UBAC2: variants seen among roughly 807,000 people sequenced by gnomAD.
UBAC2 encodes the protein UBA domain containing 2, also known as ubiquitin-associated domain-containing protein 2.
UBAC2 carries 26 observed loss-of-function variants against 44.0 expected under a neutral mutation model. The ratio of observed to expected loss-of-function variants is 0.59; its 90% CI spans 0.43 to 0.82. The LOEUF (loss-of-function observed/expected upper bound fraction) is 0.82, where lower values mean the gene tolerates loss of function less well. Among genes scored for constraint, UBAC2 ranks in the 40% least tolerant of loss-of-function variants. The pLI is 0.00. For synonymous variants in UBAC2, 155 were observed against 154.3 expected, an observed-to-expected ratio of 1.00 and a Z score of -0.04; for missense variants, 329 against 419.4, an observed-to-expected ratio of 0.78 and a Z score of 1.88.
intron 4 of UBAC2, among the ~76,000 whole-genome samples, chr13:99,277,665 G>A (rs1193192145): frequency 6.6e-6 from 1 of 152,020 alleles, no homozygotes; most frequent in Non-Finnish European, 1.5e-5. Flanking sequence ...TTTTATTAAG[G>A]CCATTTTACA....
At chr13:99,272,649 A>T (rs1566479782) in intron 4 of UBAC2, among the ~76,000 whole-genome samples, 1 of 152,172 alleles carries the variant, frequency 6.6e-6, no homozygotes, top group African/African-American at 2.4e-5. Flanking sequence ...CTGTGTCCTT[A>T]CATGGCTGAG....
intron 7 of UBAC2, among the ~76,000 whole-genome samples, chr13:99,341,209 C>G (rs2044880063): frequency 6.6e-6 from 1 of 152,210 alleles, no homozygotes; most frequent in Admixed American, 6.5e-5. Context: ...CTTCTGTGAG[C>G]CAGCCCACAG....
intron 4 of UBAC2, chr13:99,256,400 T>G (rs1164199238): frequency 6.6e-6 from 1 of 152,350 alleles, no homozygotes. Flanking sequence ...GATCAAGAAC[T>G]AGACTGTTAG....
At chr13:99,291,076 G>A (rs1290783147) in intron 4 of UBAC2, among the ~76,000 whole-genome samples, 4 of 152,158 alleles carry the variant, frequency 2.6e-5, no homozygotes, top group East Asian at 3.9e-4. Flanking sequence ...TTCTGGGACC[G>A]GAGAGTGTGG....
chr13:99,311,526 A>G (rs939153297), intron 4 of UBAC2, among the ~76,000 whole-genome samples: 1 of 152,208 alleles, frequency 6.6e-6, no homozygotes, highest in African/African-American at 2.4e-5. Context: ...ATAATTGGAC[A>G]AAAGCAGTTC....
chr13:99,300,490 G>A (rs536877947), intron 4 of UBAC2, among the ~76,000 whole-genome samples: 5 of 152,240 alleles, frequency 3.3e-5, no homozygotes, highest in Admixed American at 2.6e-4. Flanking sequence ...TTTCATATGC[G>A]TGACTGTTAC....
At position 99,349,227 on chromosome 13, in the gene UBAC2, T is replaced by C. The variant is rs1594156149; in HGVS notation, c.807+8662T>C. Among the ~76,000 whole-genome samples, 5 of 152,310 alleles carry C rather than the reference T, an allele frequency of 3.3e-5. No homozygotes were observed. In the South Asian group the frequency reaches 1.0e-3, roughly 32 times the overall value. ...CTTCACGGTGCATGTCTCCCTCCCT[T>C]TGCTCGCTGTAGCAAAGAAGCTCTG... On this transcript the variant is annotated intron_variant, in intron 7 of 8. Coordinates refer to ENST00000403766, the MANE Select transcript of UBAC2 (RefSeq NM_001144072.2).
intron 7 of UBAC2, among the ~76,000 whole-genome samples, chr13:99,360,750 G>T (rs1434730018): frequency 6.6e-6 from 1 of 152,166 alleles, no homozygotes; most frequent in Non-Finnish European, 1.5e-5. Flanking sequence ...GGCCGCAGTG[G>T]GTTGATGTCC....
At chr13:99,266,988 C>G (rs1005601220) in intron 4 of UBAC2, among the ~76,000 whole-genome samples, 7 of 152,164 alleles carry the variant, frequency 4.6e-5, no homozygotes, top group Admixed American at 2.6e-4. Flanking sequence ...CCAGTTTCTC[C>G]CTATCTTGGC....
chr13:99,278,305 T>C (rs560259655), intron 4 of UBAC2, among the ~76,000 whole-genome samples: 9 of 152,284 alleles, frequency 5.9e-5, no homozygotes, highest in African/African-American at 1.2e-4. Context: ...CATGTGGCAA[T>C]AGAGTTGGTA....
chr13:99,244,087 G>A (rs2043351928), intron 3 of UBAC2, 136 bp downstream of exon 3: 1 of 713,624 alleles, frequency 1.4e-6, no homozygotes, highest in Non-Finnish European at 2.1e-6. Flanking sequence ...TCTGATTTGA[G>A]GCACATGGAC....
At chr13:99,328,941 G>A (rs1034642871) in intron 6 of UBAC2, among the ~76,000 whole-genome samples, 24 of 152,158 alleles carry the variant, frequency 1.6e-4, no homozygotes, top group African/African-American at 5.6e-4. Context: ...GAATTTAATA[G>A]TTTCTGCTAT....
At chr13:99,299,051 A>G (rs73568043) in intron 4 of UBAC2, among the ~76,000 whole-genome samples, 313 of 152,336 alleles carry the variant, frequency 2.1e-3, no homozygotes, top group African/African-American at 7.2e-3. Flanking sequence ...AGAGTCTGCA[A>G]ATCCTCCATA....
chr13:99,335,961 C>T (rs936100516), intron 6 of UBAC2, among the ~76,000 whole-genome samples: 66 of 151,424 alleles, frequency 4.4e-4, no homozygotes, highest in African/African-American at 1.4e-3. Context: ...TCAAGACCTG[C>T]CTGGCAACAT....
At chr13:99,363,546 C>T (rs549130104) in intron 7 of UBAC2, among the ~76,000 whole-genome samples, 27 of 152,220 alleles carry the variant, frequency 1.8e-4, no homozygotes, top group Non-Finnish European at 3.1e-4. Context: ...TGTCAGCCCC[C>T]GGCTCTTTGC....
intron 1 of UBAC2, among the ~76,000 whole-genome samples, chr13:99,219,667 G>T (rs2043033400): frequency 6.6e-6 from 1 of 152,108 alleles, no homozygotes. Context: ...TTTCCAGTGT[G>T]GCCCAGGGAA....
intron 1 of UBAC2, among the ~76,000 whole-genome samples, chr13:99,219,490 C>A (rs910589314): frequency 6.6e-6 from 1 of 152,174 alleles, no homozygotes; most frequent in Non-Finnish European, 1.5e-5. Context: ...CAGGCTTGTC[C>A]ACCCTGCAGC....
chr13:99,254,355 G>A (rs1566469749), intron 4 of UBAC2, among the ~76,000 whole-genome samples: 2 of 152,310 alleles, frequency 1.3e-5, no homozygotes, highest in East Asian at 3.9e-4. Flanking sequence ...TGAATTCAGA[G>A]TAGGGAAGGG....
intron 4 of UBAC2, among the ~76,000 whole-genome samples, chr13:99,305,288 TCA>T (rs751739612): frequency 6.7e-5 from 7 of 104,216 alleles, no homozygotes; most frequent in South Asian, 2.6e-4. Context: ...CAGAGGATTC[TCA>T]CATGTGTTAT....
Sources: gnomAD v4.1 joint callset for allele counts (sites outside exome capture counted in the v4.1 genomes callset) on GRCh38, gnomAD v4.1.1 for gene constraint, MANE v1.5 for transcripts, NCBI Gene and HGNC (gene_info 2026-07-23, HGNC 2026-07-21) for gene names.